Variants in NAALADL2 observed in about 807,000 individuals in gnomAD.
NAALADL2 encodes N-acetylated alpha-linked acidic dipeptidase like 2.
Under a neutral mutation model 87.2 loss-of-function variants are expected in NAALADL2, and 76 were observed. That is an observed-to-expected ratio of 0.87 (90% CI 0.72 to 1.05). NAALADL2 has a LOEUF of 1.05. Ranked by LOEUF, NAALADL2 falls within the 50% of genes least tolerant of loss-of-function variation. The pLI is 0.00. For missense variants in NAALADL2, 1,089 were observed against 945.8 expected (o/e 1.15, Z -1.99); for synonymous variants, 354 against 331.0 (o/e 1.07, Z -0.75).
At chr3:174,832,162 G>T (rs566304676) in intron 3 of NAALADL2, among the ~76,000 whole-genome samples, 13,418 of 152,008 alleles carry the variant, frequency 0.088, 652 homozygotes, top group Middle Eastern at 0.12. Context: ...TTTTGAATGT[G>T]TTTGCTCTTG....
chr3:174,564,343 CT>C (rs1560058492), intron 2 of NAALADL2, among the ~76,000 whole-genome samples: 1 of 152,046 alleles, frequency 6.6e-6, no homozygotes, highest in Non-Finnish European at 1.5e-5. Context: ...GGCATTTAAT[CT>C]TTCTAAGTTA....
intron 3 of NAALADL2, among the ~76,000 whole-genome samples, chr3:175,251,764 C>T (rs1749110380): frequency 6.6e-6 from 1 of 152,124 alleles, no homozygotes; most frequent in South Asian, 2.1e-4. Flanking sequence ...GCTTGAAAGT[C>T]TATAGAAAAG....
At chr3:175,210,077 G>A (rs1370471789) in intron 2 of NAALADL2, among the ~76,000 whole-genome samples, 1 of 151,604 alleles carries the variant, frequency 6.6e-6, no homozygotes, top group Non-Finnish European at 1.5e-5. Flanking sequence ...GAAATATGAT[G>A]GATATATGTA....
intron 2 of NAALADL2, among the ~76,000 whole-genome samples, chr3:174,728,437 A>G (rs1732405944): frequency 6.6e-6 from 1 of 152,112 alleles, no homozygotes; most frequent in African/African-American, 2.4e-5. Flanking sequence ...TTATATTCCA[A>G]TAATGCTATT....
chr3:175,224,134 G>A (rs1246807383), intron 2 of NAALADL2, among the ~76,000 whole-genome samples: 1 of 152,082 alleles, frequency 6.6e-6, no homozygotes, highest in Non-Finnish European at 1.5e-5. Flanking sequence ...CCAGGTAAAT[G>A]TCAGAGCCCA....
chr3:175,771,061 T>C (rs900570366), intron 13 of NAALADL2, among the ~76,000 whole-genome samples: 5 of 152,198 alleles, frequency 3.3e-5, no homozygotes, highest in African/African-American at 1.2e-4. Flanking sequence ...ATTAAATATG[T>C]AGTAAAATAT....
intron 7 of NAALADL2, among the ~76,000 whole-genome samples, chr3:175,465,222 A>G (rs1419727185): frequency 6.7e-6 from 1 of 150,062 alleles, no homozygotes; most frequent in Admixed American, 6.7e-5. Context: ...ACTGCACTCC[A>G]GCCTGGGCGA....
intron 13 of NAALADL2, among the ~76,000 whole-genome samples, chr3:175,793,815 A>G (rs1255352932): frequency 6.6e-6 from 1 of 152,206 alleles, no homozygotes; most frequent in Admixed American, 6.5e-5. Flanking sequence ...TCCCTAAGCA[A>G]CTAACACAGT....
chr3:174,968,963 A>G (rs1191840505), intron 1 of NAALADL2, among the ~76,000 whole-genome samples: 3 of 152,162 alleles, frequency 2.0e-5, no homozygotes, highest in Non-Finnish European at 4.4e-5. Context: ...TATCATCTAA[A>G]ATAATCCTCA....
intron 13 of NAALADL2, among the ~76,000 whole-genome samples, chr3:175,799,522 C>T (rs998209278): frequency 6.6e-6 from 1 of 151,900 alleles, no homozygotes. Flanking sequence ...AGTCTTTTTC[C>T]TAAATGACAA....
intron 11 of NAALADL2, among the ~76,000 whole-genome samples, chr3:175,732,194 T>C (rs1743859910): frequency 6.6e-6 from 1 of 152,162 alleles, no homozygotes; most frequent in Non-Finnish European, 1.5e-5. Context: ...TCTGAAGGTT[T>C]GCTGAAAATG....
At chr3:175,166,173 A>C (rs1047952736) in intron 2 of NAALADL2, among the ~76,000 whole-genome samples, 1 of 152,008 alleles carries the variant, frequency 6.6e-6, no homozygotes, top group African/African-American at 2.4e-5. Flanking sequence ...ATCATGCCTT[A>C]GAAAATCTTA....
intron 1 of NAALADL2, among the ~76,000 whole-genome samples, chr3:175,074,584 T>C (rs977790022): frequency 6.6e-6 from 1 of 152,128 alleles, no homozygotes; most frequent in African/African-American, 2.4e-5. Context: ...GTTTGAACAT[T>C]CCCTAGATAC....
intron 9 of NAALADL2, among the ~76,000 whole-genome samples, chr3:175,480,542 C>T (rs1726307870): frequency 6.6e-6 from 1 of 151,806 alleles, no homozygotes; most frequent in Non-Finnish European, 1.5e-5. Context: ...CCACAGCACC[C>T]TTTTTCAAGT....
At chr3:174,781,690 T>C (rs1716000855) in intron 3 of NAALADL2, among the ~76,000 whole-genome samples, 2 of 151,786 alleles carry the variant, frequency 1.3e-5, no homozygotes, top group Admixed American at 1.3e-4. Context: ...ATAAATCAGA[T>C]AGGAAGTGAG....
intron 13 of NAALADL2, among the ~76,000 whole-genome samples, chr3:175,780,237 C>T (rs1026026069): frequency 6.6e-6 from 1 of 151,366 alleles, no homozygotes. Context: ...GATCGCGCCA[C>T]TGCACTCCAG....
chr3:175,241,401 A>T (rs1384289805), intron 3 of NAALADL2, among the ~76,000 whole-genome samples: 1 of 151,900 alleles, frequency 6.6e-6, no homozygotes, highest in Non-Finnish European at 1.5e-5. Flanking sequence ...TTGTATTTTT[A>T]GTAGGGATGG....
intron 2 of NAALADL2, among the ~76,000 whole-genome samples, chr3:174,703,190 A>T (rs1325516105): frequency 2.6e-5 from 4 of 151,854 alleles, no homozygotes; most frequent in Non-Finnish European, 4.4e-5. Flanking sequence ...CCCAAGGTGG[A>T]GTGCAGTGGT....
intron 1 of NAALADL2, among the ~76,000 whole-genome samples, chr3:174,528,769 G>A (rs536086473): frequency 6.6e-6 from 1 of 152,182 alleles, no homozygotes; most frequent in Non-Finnish European, 1.5e-5. Flanking sequence ...AAGAGAGCTT[G>A]TGCAGAGAAA....
Sources: gnomAD v4.1 joint callset for allele counts (sites outside exome capture counted in the v4.1 genomes callset) on GRCh38, gnomAD v4.1.1 for gene constraint, MANE v1.5 for transcripts, NCBI Gene and HGNC (gene_info 2026-07-23, HGNC 2026-07-21) for gene names.